Variants in KLHL20 observed in about 807,000 individuals in gnomAD.
The protein encoded by KLHL20 is kelch like family member 20, also known as kelch-like protein 20.
A neutral mutation model predicts 69.5 loss-of-function variants in KLHL20; 29 were observed. The observed-to-expected ratio is 0.42, with a 90% CI of 0.31 to 0.57. The LOEUF is 0.57. Ranked by LOEUF, KLHL20 falls within the 20% of genes least tolerant of loss-of-function variation. The pLI, the probability that KLHL20 is intolerant of heterozygous loss-of-function variation, is 0.18. For synonymous variants in KLHL20, 253 were observed against 265.2 expected (o/e 0.95, Z 0.45); for missense variants, 419 against 776.0 (o/e 0.54, Z 5.47).
intron 10 of KLHL20, among the ~76,000 whole-genome samples, chr1:173,778,490 A>G (rs1419460180): frequency 6.7e-6 from 1 of 149,714 alleles, no homozygotes; most frequent in Non-Finnish European, 1.5e-5. Flanking sequence ...CATCATGCCC[A>G]GCTAATTTTT....
intron 2 of KLHL20, among the ~76,000 whole-genome samples, chr1:173,719,231 A>C (rs1671609059): frequency 6.6e-6 from 1 of 152,000 alleles, no homozygotes; most frequent in African/African-American, 2.4e-5. Flanking sequence ...CATTTGAGAG[A>C]GATTTATTTC....
At position 173,715,013 on chromosome 1, in the gene KLHL20, G is replaced by A. The variant is rs1042409395; in HGVS notation, c.-107G>A. 6.5e-6 allele frequency: 1 copy of A among 153,202 alleles called. No individual in the cohort carries two copies. The highest frequency in any genetic ancestry group is 2.4e-5 in the African/African-American group (1 of 41,496). 9.5% of individuals were successfully genotyped at this position (153,202 alleles called of 1,614,324 possible). On this transcript the variant is annotated 5_prime_UTR_variant, in exon 1 of 12. Transcript: ENST00000209884. ...CTGCGTTAGCGGCGGTGGAGGAGGAGGCAGAGAGGAGTGGAGGGCGGAGTA... is the reference window on the plus strand; with the variant it reads ...CTGCGTTAGCGGCGGTGGAGGAGGAAGCAGAGAGGAGTGGAGGGCGGAGTA...
intron 10 of KLHL20, among the ~76,000 whole-genome samples, chr1:173,776,332 T>A (rs1391774961): frequency 6.6e-6 from 1 of 152,166 alleles, no homozygotes; most frequent in Non-Finnish European, 1.5e-5. Context: ...TAGTTATTAA[T>A]CCCTTGTCAG....
intron 6 of KLHL20, among the ~76,000 whole-genome samples, chr1:173,756,699 C>T (rs1037278833): frequency 7.2e-5 from 11 of 152,170 alleles, no homozygotes; most frequent in African/African-American, 2.2e-4. Flanking sequence ...TCTATAATTT[C>T]TCCATTCTAT....
intron 5 of KLHL20, among the ~76,000 whole-genome samples, chr1:173,754,659 C>G (rs1322395904): frequency 2.0e-5 from 3 of 149,940 alleles, no homozygotes; most frequent in South Asian, 2.1e-4. Context: ...AAAAGGAAAA[C>G]CATGTACATT....
chr1:173,779,455 A>G (rs766160512), intron 10 of KLHL20, among the ~76,000 whole-genome samples: 7 of 151,356 alleles, frequency 4.6e-5, no homozygotes, highest in African/African-American at 9.7e-5. Context: ...GGTTCAAGCA[A>G]TTCTCCTGCT....
At chr1:173,763,600 G>A (rs1433657549) in intron 7 of KLHL20, among the ~76,000 whole-genome samples, 1 of 152,010 alleles carries the variant, frequency 6.6e-6, no homozygotes, top group Non-Finnish European at 1.5e-5. Flanking sequence ...ACAGCCAACT[G>A]ATCTTCAACA....
chr1:173,756,123 A>G (rs1354839492), intron 6 of KLHL20, 85 bp downstream of exon 6: 1 of 918,342 alleles, frequency 1.1e-6, no homozygotes, highest in East Asian at 2.6e-5. Context: ...GACAATTATG[A>G]TATTTACTGT....
At chr1:173,739,032 C>CTTTCTCTG (rs1332273781) in intron 3 of KLHL20, among the ~76,000 whole-genome samples, 1 of 151,922 alleles carries the variant, frequency 6.6e-6, no homozygotes, top group Non-Finnish European at 1.5e-5. Context: ...AGGATTCCCT[C>CTTTCTCTG]TTTCTCTGTC....
At chr1:173,761,465 A>G (rs904829271) in intron 7 of KLHL20, among the ~76,000 whole-genome samples, 1 of 152,250 alleles carries the variant, frequency 6.6e-6, no homozygotes, top group Non-Finnish European at 1.5e-5. Flanking sequence ...AACTTTCTCC[A>G]AGATAGACCA....
chr1:173,739,226 C>A (rs1308465642), intron 3 of KLHL20, among the ~76,000 whole-genome samples: 1 of 152,146 alleles, frequency 6.6e-6, no homozygotes, highest in Admixed American at 6.5e-5. Flanking sequence ...GCACCCACCA[C>A]CACGCCCAGC....
intron 2 of KLHL20, among the ~76,000 whole-genome samples, chr1:173,724,136 A>G (rs548506074): frequency 6.6e-6 from 1 of 151,688 alleles, no homozygotes; most frequent in African/African-American, 2.4e-5. Flanking sequence ...TTATATATAT[A>G]TACACATACA....
chr1:173,775,628 C>T lies in KLHL20; in HGVS notation c.1430-6C>T. 1 of 1,613,140 alleles carries T rather than the reference C, an allele frequency of 6.2e-7. No individual in the cohort carries two copies. The highest frequency in any genetic ancestry group is 8.5e-7 in the Non-Finnish European group (1 of 1,179,480). ...GCTCACTTACTGGTTTTTCTTTTCCCTACAGTGGAACGTTACAATCCTCAG... is the reference window on the plus strand; with the variant it reads ...GCTCACTTACTGGTTTTTCTTTTCCTTACAGTGGAACGTTACAATCCTCAG... On this transcript the variant is annotated splice_region_variant and splice_polypyrimidine_tract_variant and intron_variant, in intron 9 of 11. Transcript: ENST00000209884.
intron 3 of KLHL20, 197 bp downstream of exon 3, chr1:173,734,483 G>A: frequency 1.7e-6 from 1 of 598,306 alleles, no homozygotes; most frequent in South Asian, 2.0e-5. Context: ...TAAGATTTAG[G>A]GATTTATTCT....
chr1:173,720,340 A>T (rs1373892577), intron 2 of KLHL20, among the ~76,000 whole-genome samples: 1 of 152,078 alleles, frequency 6.6e-6, no homozygotes, highest in Non-Finnish European at 1.5e-5. Context: ...AAAAAAAAAA[A>T]AGATAAGAGA....
At chr1:173,765,434 C>T (rs1647634721) in intron 7 of KLHL20, among the ~76,000 whole-genome samples, 1 of 151,650 alleles carries the variant, frequency 6.6e-6, no homozygotes, top group Non-Finnish European at 1.5e-5. Context: ...ACCCGGGAGG[C>T]GGAGCTTGCA....
intron 1 of KLHL20, 37 bp from the exon 2 acceptor site, chr1:173,715,966 T>C: frequency 7.2e-7 from 1 of 1,391,884 alleles, no homozygotes; most frequent in Admixed American, 1.9e-5. Flanking sequence ...AGATCAGAAA[T>C]AGCTTTTATT....
intron 2 of KLHL20, among the ~76,000 whole-genome samples, chr1:173,721,391 ATCTCT>A (rs1420197510): frequency 2.0e-5 from 3 of 152,220 alleles, no homozygotes; most frequent in Non-Finnish European, 4.4e-5. Flanking sequence ...TAGCTTGCAC[ATCTCT>A]TCTTTTCTTC....
At chr1:173,727,206 G>A (rs12083944) in intron 2 of KLHL20, among the ~76,000 whole-genome samples, 13,651 of 142,632 alleles carry the variant, frequency 0.096, 1,983 homozygotes, top group African/African-American at 0.32. Flanking sequence ...AAAAAAGAAT[G>A]AAAAAAAAAA....
Sources: gnomAD v4.1 joint callset for allele counts (sites outside exome capture counted in the v4.1 genomes callset) on GRCh38, gnomAD v4.1.1 for gene constraint, MANE v1.5 for transcripts, NCBI Gene and HGNC (gene_info 2026-07-23, HGNC 2026-07-21) for gene names.